Variants in CEP170 observed in about 807,000 individuals in gnomAD.
CEP170 encodes centrosomal protein of 170 kDa.
CEP170 carries 21 observed loss-of-function variants against 151.9 expected under a neutral mutation model. The ratio of observed to expected loss-of-function variants is 0.14; its 90% confidence interval spans 0.10 to 0.20. The LOEUF (loss-of-function observed/expected upper bound fraction) is 0.20. Ranked by LOEUF, CEP170 falls within the 10% of genes least tolerant of loss-of-function variation. CEP170 has a pLI of 1.00. For synonymous variants in CEP170, 356 were observed against 648.8 expected (o/e 0.55, Z 6.86); for missense variants, 964 against 1,892.9 (o/e 0.51, Z 9.11).
At chr1:243,239,265 A>T (rs1236083050) in intron 1 of CEP170, among the ~76,000 whole-genome samples, 1 of 152,150 alleles carries the variant, frequency 6.6e-6, no homozygotes, top group African/African-American at 2.4e-5. Context: ...AACTGACCAG[A>T]TATTTTCTCT....
intron 1 of CEP170, among the ~76,000 whole-genome samples, chr1:243,240,638 T>C (rs1447068345): frequency 6.6e-6 from 1 of 152,040 alleles, no homozygotes; most frequent in East Asian, 1.9e-4. Context: ...TCTGTATTTT[T>C]TTTTTTTTTT....
intron 4 of CEP170, among the ~76,000 whole-genome samples, chr1:243,204,982 G>C (rs971371899): frequency 7.9e-5 from 12 of 152,126 alleles, no homozygotes; most frequent in Non-Finnish European, 1.5e-4. Context: ...GGCAACAAAA[G>C]ACAATGATCT....
intron 7 of CEP170, among the ~76,000 whole-genome samples, chr1:243,198,280 C>A (rs2060792422): frequency 6.6e-6 from 1 of 152,060 alleles, no homozygotes; most frequent in Non-Finnish European, 1.5e-5. Context: ...TCCTGGAAGT[C>A]TTGATTTTCT....
intron 2 of CEP170, among the ~76,000 whole-genome samples, chr1:243,224,644 C>A (rs1203287612): frequency 6.6e-6 from 1 of 152,160 alleles, no homozygotes; most frequent in Non-Finnish European, 1.5e-5. Context: ...TGAGGCTGTG[C>A]ACTCTTGAGG....
At position 243,211,913 on chromosome 1, in the gene CEP170, G is replaced by C. The variant is rs1036974918; in HGVS notation, c.247C>G (p.Leu83Val). The C allele has an allele frequency of 6.3e-7, 1 of 1,592,438 alleles. No individual in the cohort carries two copies. Among genetic ancestry groups the C allele is most frequent in the Non-Finnish European group, 8.5e-7 (1 of 1,170,992 alleles). Residue 83 changes from leucine (L) to valine (V), a missense_variant, in exon 4 of 20, where the codon CTT (leucine) becomes GTT (valine). Coordinates refer to ENST00000366542, the MANE Select transcript of CEP170 (RefSeq NM_014812.3). ...TATCCAAATCTCAGCTTATCTTCAA[G>C]TTTCAAGGTGATATAAGTCTGTTCC... ...IPEQTYITLK[L>V]EDKLRFGYDT...
intron 1 of CEP170, among the ~76,000 whole-genome samples, chr1:243,228,281 T>C (rs781723935): frequency 1.1e-4 from 17 of 152,158 alleles, no homozygotes; most frequent in Admixed American, 3.3e-4. Flanking sequence ...AGCAAGTAAA[T>C]AATTTTCTGT....
intron 4 of CEP170, among the ~76,000 whole-genome samples, chr1:243,204,862 A>G (rs1250707162): frequency 5.3e-5 from 8 of 152,110 alleles, no homozygotes; most frequent in Non-Finnish European, 4.4e-5. Flanking sequence ...TCAACTTCTC[A>G]ATCTTCTGGA....
chr1:243,129,538 C>G, intron 17 of CEP170, 85 bp from the exon 18 acceptor site: 1 of 995,662 alleles, frequency 1.0e-6, no homozygotes. Context: ...AGCAATGTAT[C>G]TTTTCAAAGG....
Position 243,169,709 on chromosome 1 carries a change from C to G in CEP170, c.1762G>C (p.Ala588Pro). 1.9e-6 allele frequency: 3 copies of G among 1,613,596 alleles called. No homozygotes were observed. Among genetic ancestry groups the G allele is most frequent in the Non-Finnish European group, 2.5e-6 (3 of 1,179,674 alleles). The part of the protein sequence containing the change: ...SGSKRWVSQW[A>P]SLAANHTRHD... ...CTTGTATGATTGGCAGCCAAACTAGCCCACTGTGAAACCCAACGTTTGCTT... is the reference window on the plus strand; with the variant it reads ...CTTGTATGATTGGCAGCCAAACTAGGCCACTGTGAAACCCAACGTTTGCTT... The change falls in exon 12 of 20, where the codon GCT becomes CCT. Residue 588 changes from alanine (A) to proline (P), a missense_variant. By Grantham distance (27) the Ala-to-Pro change is conservative. Coordinates refer to ENST00000366542, the MANE Select transcript of CEP170 (RefSeq NM_014812.3).
At chr1:243,178,581 T>C (rs2059408746) in intron 10 of CEP170, among the ~76,000 whole-genome samples, 1 of 152,128 alleles carries the variant, frequency 6.6e-6, no homozygotes, top group Non-Finnish European at 1.5e-5. Context: ...TGCCCTGAAA[T>C]TAAGATAGTG....
chr1:243,145,688 A>G lies in CEP170; in HGVS notation c.3912-3225T>C, dbSNP rs561025372. Reference sequence around the variant, plus strand: ...ATTAAGTTTCCTTTGATATTACTGGAAAAAAGCAACTGGTGGGCTATTAAT... The same window carrying G: ...ATTAAGTTTCCTTTGATATTACTGGGAAAAAGCAACTGGTGGGCTATTAAT... On this transcript the variant is annotated intron_variant, in intron 14 of 19. Transcript: ENST00000366542. Among the ~76,000 whole-genome samples the G allele has an allele frequency of 8.5e-5, 13 of 152,288 alleles. No homozygotes were observed. In the East Asian group the frequency reaches 1.2e-3, roughly 14 times the overall value.
chr1:243,196,037 CA>C (rs1229990383), intron 7 of CEP170, among the ~76,000 whole-genome samples: 3 of 152,088 alleles, frequency 2.0e-5, no homozygotes, highest in Non-Finnish European at 4.4e-5. Context: ...AAAGAGTACA[CA>C]AGCTGAGAAT....
chr1:243,210,160 T>C (rs2061686653), intron 4 of CEP170, among the ~76,000 whole-genome samples: 1 of 152,110 alleles, frequency 6.6e-6, no homozygotes, highest in African/African-American at 2.4e-5. Flanking sequence ...AAGAGAAAAA[T>C]GTCTGTTTGC....
chr1:243,225,169 C>A lies in CEP170; in HGVS notation c.105+7G>T. 1 of 1,565,488 alleles carries A rather than the reference C, an allele frequency of 6.4e-7. No homozygotes were observed. On this transcript the variant is annotated splice_region_variant and intron_variant, in intron 2 of 19. Coordinates refer to ENST00000366542, the MANE Select transcript of CEP170 (RefSeq NM_014812.3). Reference sequence around the variant, plus strand: ...TAAACACATATAGAGAAGCTTGACACAATTACCTGCAACATGAGCTCACAG... The same window carrying A: ...TAAACACATATAGAGAAGCTTGACAAAATTACCTGCAACATGAGCTCACAG...
chr1:243,162,063 T>G (rs543850232), intron 13 of CEP170, among the ~76,000 whole-genome samples: 2 of 152,324 alleles, frequency 1.3e-5, no homozygotes, highest in East Asian at 3.9e-4. Context: ...AATCCTAGAT[T>G]ACAATATGGC....
chr1:243,149,669 G>GTATT (rs1558419940), intron 14 of CEP170, among the ~76,000 whole-genome samples: 1 of 152,012 alleles, frequency 6.6e-6, no homozygotes, highest in Non-Finnish European at 1.5e-5. Context: ...AAACATTTTG[G>GTATT]TATTATCAAA....
intron 1 of CEP170, among the ~76,000 whole-genome samples, chr1:243,249,611 A>G (rs1326644694): frequency 6.6e-6 from 1 of 152,132 alleles, no homozygotes; most frequent in Non-Finnish European, 1.5e-5. Context: ...ACACTTGAAA[A>G]CAAATGTAAA....
Position 243,164,579 on chromosome 1 carries a change from T to C in CEP170, c.3381A>G (p.Glu1127=), listed in dbSNP as rs753645849. 2 of 1,613,688 alleles carry C rather than the reference T, an allele frequency of 1.2e-6. No individual in the cohort carries two copies. Among genetic ancestry groups the C allele is most frequent in the African/African-American group, 2.7e-5 (2 of 75,046 alleles). The change falls in exon 13 of 20, where the codon GAA becomes GAG. Residue 1127 remains glutamate, a synonymous_variant. Coordinates refer to ENST00000366542, the MANE Select transcript of CEP170 (RefSeq NM_014812.3). ...TTGATGTAGAACTTGTTGTGGATAC[T>C]TCAGAAGCAACAGATGCTTTGTCAG... The part of the protein sequence containing the change: ...ADADKASVAS[E]VSTTSSTSKP...
chr1:243,242,351 T>G (rs970608057), intron 1 of CEP170, among the ~76,000 whole-genome samples: 1 of 151,698 alleles, frequency 6.6e-6, no homozygotes, highest in South Asian at 2.1e-4. Flanking sequence ...CCCGAGTAAC[T>G]GGGACTACAG....
Sources: gnomAD v4.1 joint callset for allele counts (sites outside exome capture counted in the v4.1 genomes callset) on GRCh38, gnomAD v4.1.1 for gene constraint, MANE v1.5 for transcripts, NCBI Gene and HGNC (gene_info 2026-07-23, HGNC 2026-07-21) for gene names.